The following KCND2 variants were observed in gnomAD, a reference collection of about 807,000 sequenced individuals.
KCND2 encodes the protein potassium voltage-gated channel subfamily D member 2.
A neutral mutation model predicts 54.4 loss-of-function variants in KCND2; 16 were observed. That is an observed-to-expected ratio of 0.29 (90% confidence interval 0.20 to 0.45). The LOEUF (loss-of-function observed/expected upper bound fraction) is 0.45, where lower values mean the gene tolerates loss of function less well. KCND2 is among the 20% of genes least tolerant of loss of function. The pLI is 1.00. For missense variants in KCND2, 486 were observed against 824.2 expected (o/e 0.59, Z 5.02); for synonymous variants, 317 against 310.7 (o/e 1.02, Z -0.21).
chr7:120,534,375 G>A (rs1461103317), intron 1 of KCND2, among the ~76,000 whole-genome samples: 3 of 151,942 alleles, frequency 2.0e-5, no homozygotes, highest in South Asian at 2.1e-4. Flanking sequence ...TACCTAACCC[G>A]GTGTCAGTCT....
chr7:120,341,278 A>T (rs1484419422), intron 1 of KCND2, among the ~76,000 whole-genome samples: 1 of 152,090 alleles, frequency 6.6e-6, no homozygotes, highest in Non-Finnish European at 1.5e-5. Flanking sequence ...GACTGGTTAA[A>T]TATATTATAT....
chr7:120,716,687 A>G (rs1028508368), intron 1 of KCND2, among the ~76,000 whole-genome samples: 1 of 152,124 alleles, frequency 6.6e-6, no homozygotes, highest in African/African-American at 2.4e-5. Flanking sequence ...CCCAGTCTTC[A>G]TTTCTAGGCC....
chr7:120,698,935 A>G (rs1483132355), intron 1 of KCND2, among the ~76,000 whole-genome samples: 3 of 152,236 alleles, frequency 2.0e-5, no homozygotes, highest in African/African-American at 7.2e-5. Flanking sequence ...TTAACTTATT[A>G]AAACAGGAGA....
intron 1 of KCND2, among the ~76,000 whole-genome samples, chr7:120,634,104 T>C (rs1304174457): frequency 6.6e-6 from 1 of 152,188 alleles, no homozygotes; most frequent in African/African-American, 2.4e-5. Flanking sequence ...CAGTGTGATA[T>C]TGATCAAATC....
At chr7:120,579,269 T>G (rs1562878298) in intron 1 of KCND2, among the ~76,000 whole-genome samples, 1 of 152,126 alleles carries the variant, frequency 6.6e-6, no homozygotes, top group Non-Finnish European at 1.5e-5. Flanking sequence ...CTATTATTAT[T>G]CTTTTCTTTA....
chr7:120,543,951 C>T (rs1282310142), intron 1 of KCND2, among the ~76,000 whole-genome samples: 1 of 151,846 alleles, frequency 6.6e-6, no homozygotes, highest in Admixed American at 6.6e-5. Flanking sequence ...TAGACCATGG[C>T]CCTAACCAAC....
intron 1 of KCND2, among the ~76,000 whole-genome samples, chr7:120,507,321 G>GT (rs1399927626): frequency 6.6e-6 from 1 of 151,816 alleles, no homozygotes; most frequent in Non-Finnish European, 1.5e-5. Context: ...ACTTTTCTGT[G>GT]TTAACCTATG....
intron 1 of KCND2, among the ~76,000 whole-genome samples, chr7:120,585,438 C>CA (rs1792584799): frequency 1.3e-5 from 2 of 152,220 alleles, no homozygotes. Context: ...CACAAACTTA[C>CA]ATACTTCCTA....
At chr7:120,299,146 G>C (rs1170288122) in intron 1 of KCND2, among the ~76,000 whole-genome samples, 1 of 151,962 alleles carries the variant, frequency 6.6e-6, no homozygotes, top group Non-Finnish European at 1.5e-5. Flanking sequence ...GGCAATAAGA[G>C]CGAAACTCTG....
chr7:120,352,190 C>A (rs1800419316), intron 1 of KCND2, among the ~76,000 whole-genome samples: 1 of 152,010 alleles, frequency 6.6e-6, no homozygotes, highest in Non-Finnish European at 1.5e-5. Context: ...CCCACCTCAG[C>A]CTCCCAAAGT....
chr7:120,330,581 CAAAAAAA>C (rs3067024), intron 1 of KCND2, among the ~76,000 whole-genome samples: 2 of 48,382 alleles, frequency 4.1e-5, no homozygotes, highest in African/African-American at 2.0e-4. Flanking sequence ...AACTCTGTCT[CAAAAAAA>C]AAAAAAAAAA....
intron 1 of KCND2, among the ~76,000 whole-genome samples, chr7:120,467,463 T>G (rs751785864): frequency 2.0e-5 from 3 of 152,116 alleles, no homozygotes; most frequent in Non-Finnish European, 2.9e-5. Context: ...CTGGTGCATT[T>G]GGAGGCCATC....
chr7:120,567,043 A>G (rs564882556), intron 1 of KCND2, among the ~76,000 whole-genome samples: 1 of 151,876 alleles, frequency 6.6e-6, no homozygotes, highest in African/African-American at 2.4e-5. Flanking sequence ...ATCATTTTTC[A>G]TCAGAACATC....
rs773411803 is a variant in KCND2, at chr7:120,745,925, T to C, written c.1613T>C (p.Phe538Ser). 29 of 1,613,772 alleles carry C rather than the reference T, an allele frequency of 1.8e-5. No homozygotes were observed. In the South Asian group the frequency reaches 2.7e-4, roughly 15 times the overall value. The change falls in exon 5 of 6, where the codon TTT (phenylalanine) becomes TCT (serine). Residue 538 changes from phenylalanine to serine, a missense_variant. Coordinates refer to ENST00000331113, the MANE Select transcript of KCND2 (RefSeq NM_012281.3). Reference sequence around the variant, plus strand: ...TGTTCACGACGACACAAAAAAACTTTTCGCATCCCAAATGCCAATGTATCA... The same window carrying C: ...TGTTCACGACGACACAAAAAAACTTCTCGCATCCCAAATGCCAATGTATCA... Reference protein sequence around the residue: ...TCCSRRHKKTFRIPNANVSGS... With the variant: ...TCCSRRHKKTSRIPNANVSGS...
intron 1 of KCND2, among the ~76,000 whole-genome samples, chr7:120,537,364 A>G (rs1791925387): frequency 6.6e-6 from 1 of 152,146 alleles, no homozygotes; most frequent in African/African-American, 2.4e-5. Context: ...TTGCTGTTTC[A>G]TTTCTAGAGC....
chr7:120,312,556 C>T (rs1799752208), intron 1 of KCND2, among the ~76,000 whole-genome samples: 1 of 152,140 alleles, frequency 6.6e-6, no homozygotes, highest in Admixed American at 6.6e-5. Context: ...ATATTTGATT[C>T]AGATTTTGAT....
chr7:120,339,947 T>A (rs182995431), intron 1 of KCND2, among the ~76,000 whole-genome samples: 1 of 152,320 alleles, frequency 6.6e-6, no homozygotes, highest in East Asian at 1.9e-4. Context: ...TCTGGTATGT[T>A]CACTGTATAA....
intron 1 of KCND2, among the ~76,000 whole-genome samples, chr7:120,320,696 T>G (rs1257113416): frequency 6.6e-6 from 1 of 151,924 alleles, no homozygotes; most frequent in African/African-American, 2.4e-5. Context: ...AGAGTGAAGA[T>G]GTAGTAAAGA....
At position 120,545,143 on chromosome 7, in the gene KCND2, GA is replaced by G. The variant is rs771519593; in HGVS notation, c.1116-187755del. Reference sequence around the variant, plus strand: ...TAATCCTAAAACATGTATTTCAAAGGAAAAATGTCTTGCAAAAGAAACTTGA... The same window carrying G: ...TAATCCTAAAACATGTATTTCAAAGGAAAATGTCTTGCAAAAGAAACTTGA... On this transcript the variant is annotated intron_variant, in intron 1 of 5. Transcript: ENST00000331113. Among the ~76,000 whole-genome samples the G allele has an allele frequency of 3.9e-5, 6 of 151,906 alleles. No individual in the cohort carries two copies. In the East Asian group the frequency reaches 7.7e-4, roughly 20 times the overall value.
Sources: allele counts gnomAD v4.1 joint callset (sites outside exome capture counted in the v4.1 genomes callset), GRCh38; gene constraint gnomAD v4.1.1; transcripts MANE v1.5; gene names NCBI Gene and HGNC (gene_info 2026-07-23, HGNC 2026-07-21).